The following XIRP2 variants were observed in gnomAD, a reference collection of about 807,000 sequenced individuals.
The protein encoded by XIRP2 is xin actin binding repeat containing 2, also known as xin actin-binding repeat-containing protein 2.
In XIRP2, 236 loss-of-function variants were observed where a neutral mutation model predicts 277.0. The observed-to-expected ratio is 0.85, with a 90% confidence interval of 0.77 to 0.95. XIRP2 has a LOEUF of 0.95. Among genes scored for constraint, XIRP2 ranks in the 40% least tolerant of loss-of-function variants. The pLI, the probability that XIRP2 is intolerant of heterozygous loss-of-function variation, is 0.00. For synonymous variants in XIRP2, 1,490 were observed against 1,416.5 expected (o/e 1.05, Z -1.17); for missense variants, 4,640 against 4,157.5 (o/e 1.12, Z -3.19).
At chr2:167,011,723 G>A (rs1438319185) in intron 2 of XIRP2, among the ~76,000 whole-genome samples, 5 of 151,626 alleles carry the variant, frequency 3.3e-5, no homozygotes, top group Admixed American at 1.3e-4. Context: ...TGGTTGGTAA[G>A]CTATTGATTA....
intron 2 of XIRP2, among the ~76,000 whole-genome samples, chr2:167,040,264 C>G (rs1688626819): frequency 6.6e-6 from 1 of 151,606 alleles, no homozygotes; most frequent in Non-Finnish European, 1.5e-5. Flanking sequence ...AACACATCTT[C>G]AGAAAGAAGG....
chr2:166,979,196 G>A (rs2105430657), intron 2 of XIRP2, among the ~76,000 whole-genome samples: 1 of 152,094 alleles, frequency 6.6e-6, no homozygotes, highest in South Asian at 2.1e-4. Flanking sequence ...TCAAATATCA[G>A]TATTATCTTT....
In XIRP2 at chr2:167,247,304, G is replaced by A. The variant is rs766437963; in HGVS notation, c.5912G>A (p.Arg1971Lys). The change falls in exon 9 of 11, where the codon AGG (arginine) becomes AAG (lysine). Residue 1971 changes from arginine to lysine, a missense_variant. Coordinates refer to ENST00000409195, the MANE Select transcript of XIRP2 (RefSeq NM_152381.6). ...KTDIHQVAVQ[R>K]NKNSLLQPKP... ...GATATTCATCAGGTTGCTGTCCAGA[G>A]GAACAAAAATAGTCTTCTTCAGCCA... is the stretch of plus-strand genomic sequence containing the variant. 2 of 1,613,708 alleles carry A rather than the reference G, an allele frequency of 1.2e-6. No individual in the cohort carries two copies. Among genetic ancestry groups the A allele is most frequent in the Non-Finnish European group, 1.7e-6 (2 of 1,179,846 alleles).
chr2:167,090,450 T>C (rs1690107133), intron 2 of XIRP2, among the ~76,000 whole-genome samples: 1 of 152,190 alleles, frequency 6.6e-6, no homozygotes, highest in South Asian at 2.1e-4. Context: ...GTCTTTTGTT[T>C]TATCTGTGTC....
chr2:166,944,307 G>A (rs1027967912), intron 2 of XIRP2, among the ~76,000 whole-genome samples: 3 of 152,112 alleles, frequency 2.0e-5, no homozygotes, highest in Non-Finnish European at 4.4e-5. Flanking sequence ...TATGTATTTG[G>A]TTGTATCTCC....
At chr2:167,038,435 A>G (rs1033029071) in intron 2 of XIRP2, among the ~76,000 whole-genome samples, 1 of 151,790 alleles carries the variant, frequency 6.6e-6, no homozygotes, top group Admixed American at 6.6e-5. Flanking sequence ...ATATTGTAAT[A>G]TATTAAATAA....
chr2:167,158,422 G>T (rs1343856305), intron 3 of XIRP2, among the ~76,000 whole-genome samples: 1 of 152,142 alleles, frequency 6.6e-6, no homozygotes, highest in East Asian at 1.9e-4. Flanking sequence ...ATACAAAAGA[G>T]GTAATGTAGA....
chr2:167,071,295 C>T (rs1689431223), intron 2 of XIRP2, among the ~76,000 whole-genome samples: 1 of 152,120 alleles, frequency 6.6e-6, no homozygotes, highest in African/African-American at 2.4e-5. Flanking sequence ...CAGCGTTTTA[C>T]ACAGAAAAGT....
intron 2 of XIRP2, among the ~76,000 whole-genome samples, chr2:167,033,356 TG>T (rs377240877): frequency 5.3e-5 from 8 of 152,088 alleles, no homozygotes; most frequent in Non-Finnish European, 1.2e-4. Context: ...GGTTAATGGG[TG>T]CAACAAACCA....
chr2:167,096,230 G>A (rs1278247938), intron 2 of XIRP2, among the ~76,000 whole-genome samples: 1 of 152,044 alleles, frequency 6.6e-6, no homozygotes, highest in Non-Finnish European at 1.5e-5. Context: ...TTCAGAACTT[G>A]TTATTGGTCT....
At chr2:167,192,402 T>C (rs1206300873) in intron 3 of XIRP2, among the ~76,000 whole-genome samples, 1 of 152,190 alleles carries the variant, frequency 6.6e-6, no homozygotes, top group Non-Finnish European at 1.5e-5. Context: ...CCCTAATAAG[T>C]CACCTTCATA....
chr2:167,246,727 G>T lies in XIRP2; in HGVS notation c.5335G>T (p.Glu1779Ter). ...LTAKKQEGEKEIIGGDVEGTK... is the reference protein window; with the variant it reads ...LTAKKQEGEK Reference sequence around the variant, plus strand: ...AGCTAAGAAACAAGAAGGAGAGAAAGAAATCATTGGTGGTGATGTTGAAGG... The same window carrying T: ...AGCTAAGAAACAAGAAGGAGAGAAATAAATCATTGGTGGTGATGTTGAAGG... Residue 1779 changes from glutamate to a stop codon, truncating the protein, a stop_gained, in exon 9 of 11, where the codon GAA becomes TAA. Transcript: ENST00000409195. LOFTEE classifies it high-confidence loss of function. The T allele has an allele frequency of 6.2e-7, 1 of 1,613,712 alleles. No homozygotes were observed. The highest frequency in any genetic ancestry group is 1.1e-5 in the South Asian group (1 of 91,070).
At chr2:167,042,550 G>A (rs1438406391) in intron 2 of XIRP2, among the ~76,000 whole-genome samples, 1 of 152,060 alleles carries the variant, frequency 6.6e-6, no homozygotes, top group Admixed American at 6.6e-5. Flanking sequence ...ATGAACAGGG[G>A]TTGCCATTCT....
intron 2 of XIRP2, among the ~76,000 whole-genome samples, chr2:167,004,280 C>T (rs1369126324): frequency 6.6e-6 from 1 of 151,822 alleles, no homozygotes; most frequent in Non-Finnish European, 1.5e-5. Context: ...CTGGGAGATA[C>T]ATAGATATGA....
intron 2 of XIRP2, among the ~76,000 whole-genome samples, chr2:166,986,850 C>T (rs922017300): frequency 7.2e-5 from 11 of 152,148 alleles, no homozygotes; most frequent in African/African-American, 2.4e-4. Flanking sequence ...AAGATTCTGA[C>T]CTTCTTTGTT....
At chr2:167,206,843 A>G (rs1693869679) in intron 3 of XIRP2, among the ~76,000 whole-genome samples, 1 of 152,254 alleles carries the variant, frequency 6.6e-6, no homozygotes. Context: ...TTTTGAAAGT[A>G]ATAGGAAATA....
intron 5 of XIRP2, among the ~76,000 whole-genome samples, chr2:167,234,721 A>C (rs1276847408): frequency 1.3e-5 from 2 of 151,876 alleles, no homozygotes; most frequent in Non-Finnish European, 3.0e-5. Context: ...ACTTCTGAGC[A>C]TATTGAGTCA....
intron 2 of XIRP2, among the ~76,000 whole-genome samples, chr2:167,056,753 G>C (rs917875047): frequency 1.3e-5 from 2 of 151,936 alleles, no homozygotes; most frequent in Non-Finnish European, 2.9e-5. Flanking sequence ...GTCATTTTTT[G>C]TCTGAGCTTA....
At chr2:167,205,695 T>A (rs1693835037) in intron 3 of XIRP2, among the ~76,000 whole-genome samples, 1 of 152,196 alleles carries the variant, frequency 6.6e-6, no homozygotes, top group African/African-American at 2.4e-5. Context: ...GATAATTTAT[T>A]GTCCAATATA....
Sources: allele counts gnomAD v4.1 joint callset (sites outside exome capture counted in the v4.1 genomes callset), GRCh38; gene constraint gnomAD v4.1.1; transcripts MANE v1.5; gene names NCBI Gene and HGNC (gene_info 2026-07-23, HGNC 2026-07-21).